STAT5B: variants seen among roughly 807,000 people sequenced by gnomAD.
The protein encoded by STAT5B is transcription factor STAT5B.
In STAT5B, 21 loss-of-function variants were observed where a neutral mutation model predicts 107.8. The observed-to-expected ratio is 0.19, with a 90% CI of 0.14 to 0.28. The LOEUF (loss-of-function observed/expected upper bound fraction) is 0.28, where lower values mean the gene tolerates loss of function less well. Ranked by LOEUF, STAT5B falls within the 10% of genes least tolerant of loss-of-function variation. The pLI, the probability that STAT5B is intolerant of heterozygous loss-of-function variation, is 1.00. For missense variants in STAT5B, 565 were observed against 1,008.2 expected, an observed-to-expected ratio of 0.56 and a Z score of 5.95; for synonymous variants, 325 against 401.7, an observed-to-expected ratio of 0.81 and a Z score of 2.28.
Position 42,217,450 on chromosome 17 carries a change from T to G in STAT5B, c.1184A>C (p.Glu395Ala). The G allele has an allele frequency of 6.2e-7, 1 of 1,614,216 alleles. No homozygotes were observed. Among genetic ancestry groups the G allele is most frequent in the Non-Finnish European group, 8.5e-7 (1 of 1,180,036 alleles). Residue 395 changes from glutamate to alanine, a missense_variant, in exon 10 of 19, where the codon GAG becomes GCG. By Grantham distance (107) the Glu-to-Ala change is moderately radical (BLOSUM62 -1). Coordinates refer to ENST00000293328, the MANE Select transcript of STAT5B (RefSeq NM_012448.4). Reference sequence around the variant, plus strand: ...CATGACGCAGCAGTTGTTCAAGATCTCGCCACTGTAATCACTGCAAATCAG... The same window carrying G: ...CATGACGCAGCAGTTGTTCAAGATCGCGCCACTGTAATCACTGCAAATCAG... ...NENTRNDYSG[E>A]ILNNCCVMEY...
rs775884800 is a variant in STAT5B, at chr17:42,216,116, C to A, written c.1381-10G>T. ...CTGGCAGGGACAGGGTCTAAAAAGA[C>A]ACAAGAGAAGGCTGAGCGCCCACGA... On this transcript the variant is annotated splice_polypyrimidine_tract_variant and intron_variant, in intron 11 of 18. Coordinates refer to ENST00000293328, the MANE Select transcript of STAT5B (RefSeq NM_012448.4). 5 of 1,611,386 alleles carry A rather than the reference C, an allele frequency of 3.1e-6. No homozygotes were observed. The African/African-American group carries it at 6.7e-5, about 22-fold the overall frequency.
Position 42,216,258 on chromosome 17 carries a change from A to G in STAT5B, c.1381-152T>C, listed in dbSNP as rs561983198. 8.6e-5 allele frequency: 59 copies of G among 687,492 alleles called. No homozygotes were observed. The South Asian group carries it at 9.1e-4, about 11-fold the overall frequency. 42.6% of individuals were successfully genotyped at this position (687,492 alleles called of 1,614,324 possible). A position where few individuals can be genotyped will look rare whatever the true frequency, so the allele number is the denominator to read the frequency against. On this transcript the variant is annotated intron_variant, in intron 11 of 18. Transcript: ENST00000293328. ...CAGAATCTAAATGGCCCCAGGAATAATATGACTTTTCATACTGGCACAATC... is the reference window on the plus strand; with the variant it reads ...CAGAATCTAAATGGCCCCAGGAATAGTATGACTTTTCATACTGGCACAATC...
intron 16 of STAT5B, among the ~76,000 whole-genome samples, chr17:42,206,958 T>A (rs976235254): frequency 6.7e-6 from 1 of 149,858 alleles, no homozygotes; most frequent in Non-Finnish European, 1.5e-5. Context: ...CTCACTGCAA[T>A]CTCCACCTCC....
At chr17:42,273,634 C>T (rs1192447413) in intron 1 of STAT5B, among the ~76,000 whole-genome samples, 2 of 152,122 alleles carry the variant, frequency 1.3e-5, no homozygotes, top group East Asian at 1.9e-4. Flanking sequence ...TTGTAGGGCA[C>T]GAAAATAGTT....
chr17:42,231,359 T>G (rs928997773), intron 2 of STAT5B, among the ~76,000 whole-genome samples: 2 of 152,124 alleles, frequency 1.3e-5, no homozygotes, highest in Non-Finnish European at 1.5e-5. Context: ...TTGTTTGTTT[T>G]GAGACAGGGT....
chr17:42,242,917 T>C (rs1413781833), intron 1 of STAT5B, among the ~76,000 whole-genome samples: 1 of 152,068 alleles, frequency 6.6e-6, no homozygotes, highest in East Asian at 1.9e-4. Flanking sequence ...AAACAGATGC[T>C]TGAAGGCAGC....
At position 42,226,954 on chromosome 17, in the gene STAT5B, G is replaced by A. The variant is rs1312657615; in HGVS notation, c.285+575C>T. ...ACTGTGGCCAACATGGCAAAACCCC[G>A]TCTCCACTAAAAATACCAAAAAAAA... On this transcript the variant is annotated intron_variant, in intron 3 of 18. Transcript: ENST00000293328. Among the ~76,000 whole-genome samples the A allele has an allele frequency of 2.0e-4, 30 of 146,720 alleles. 1 individual carries two copies. In the South Asian group the frequency reaches 3.9e-3, roughly 19 times the overall value.
chr17:42,247,353 T>G (rs2080460185), intron 1 of STAT5B, among the ~76,000 whole-genome samples: 1 of 152,236 alleles, frequency 6.6e-6, no homozygotes, highest in Non-Finnish European at 1.5e-5. Context: ...TTCTCTTAAT[T>G]TGCCATGAAT....
intron 2 of STAT5B, 61 bp downstream of exon 2, chr17:42,231,939 A>C: frequency 6.2e-7 from 1 of 1,608,840 alleles, no homozygotes; most frequent in Non-Finnish European, 8.5e-7. Flanking sequence ...ACATCTTTCT[A>C]AACAAACTCC....
At chr17:42,203,260 C>G (rs59738531) in intron 16 of STAT5B, among the ~76,000 whole-genome samples, 3 of 152,120 alleles carry the variant, frequency 2.0e-5, no homozygotes, top group Non-Finnish European at 4.4e-5. Context: ...ATATTTCAAT[C>G]TGTTAGGAAG....
the STAT5B span, chr17:42,287,607 A>C: frequency 4.9e-4 from 74 of 152,484 alleles, no homozygotes; most frequent in African/African-American, 1.8e-3. Flanking sequence ...GGAGGACTCA[A>C]GACGGTCCCT....
In STAT5B at chr17:42,230,521, A is replaced by G. The variant is rs112001605; in HGVS notation, c.128+1479T>C. The stretch of plus-strand genomic sequence containing the variant: ...TGCTGTTAGTCGACTGCACTGTACT[A>G]ATTCTAAAAGAAATTTAAAACAACT... On this transcript the variant is annotated intron_variant, in intron 2 of 18. Coordinates refer to ENST00000293328, the MANE Select transcript of STAT5B (RefSeq NM_012448.4). Among the ~76,000 whole-genome samples, 215 of 152,316 alleles carry G rather than the reference A, an allele frequency of 1.4e-3. 1 individual carries two copies. The highest frequency in any genetic ancestry group is 4.3e-3 in the African/African-American group (180 of 41,562).
intron 1 of STAT5B, among the ~76,000 whole-genome samples, chr17:42,273,158 A>G (rs2080734680): frequency 6.6e-6 from 1 of 152,220 alleles, no homozygotes; most frequent in East Asian, 1.9e-4. Flanking sequence ...TAGATTGTTA[A>G]GTTTGACTTT....
chr17:42,213,963 G>A (rs2080150795), intron 12 of STAT5B, among the ~76,000 whole-genome samples: 6 of 151,112 alleles, frequency 4.0e-5, no homozygotes, highest in Admixed American at 4.0e-4. Flanking sequence ...CCAACATGGT[G>A]AGACCTGGTC....
rs375788049 is a variant in STAT5B, at chr17:42,207,432, C to T, written c.2077+126G>A. 1.4e-3 allele frequency: 1,799 copies of T among 1,270,242 alleles called. 11 individuals are homozygous for T. Among genetic ancestry groups the T allele is most frequent in the Middle Eastern group, 0.011 (49 of 4,542 alleles). 78.7% of individuals were successfully genotyped at this position (1,270,242 alleles called of 1,614,324 possible). A position where few individuals can be genotyped will look rare whatever the true frequency, so the allele number is the denominator to read the frequency against. ...CCCTGGAAAATGCTCAAACTGCTCT[C>T]ACTGAATGGTAATTGTGTGGGTTTT... On this transcript the variant is annotated intron_variant, in intron 16 of 18. Coordinates refer to ENST00000293328, the MANE Select transcript of STAT5B (RefSeq NM_012448.4).
chr17:42,277,675 C>T (rs2144455508), upstream of STAT5B, among the ~76,000 whole-genome samples: 1 of 152,316 alleles, frequency 6.6e-6, no homozygotes, highest in Admixed American at 6.5e-5. Flanking sequence ...TGGCAATCTC[C>T]CTGACAGTTA....
chr17:42,220,495 T>G (rs2080215876), intron 5 of STAT5B, among the ~76,000 whole-genome samples: 1 of 152,098 alleles, frequency 6.6e-6, no homozygotes, highest in South Asian at 2.1e-4. Context: ...GGCGGCTCTG[T>G]CTAGTCCCTG....
intron 12 of STAT5B, 58 bp downstream of exon 12, chr17:42,215,956 T>G: frequency 1.7e-5 from 26 of 1,557,628 alleles, no homozygotes; most frequent in African/African-American, 2.7e-5. Context: ...AATACATAAA[T>G]GAGATTCATG....
At chr17:42,223,931 A>G (rs889980142) in intron 4 of STAT5B, among the ~76,000 whole-genome samples, 16 of 152,168 alleles carry the variant, frequency 1.1e-4, no homozygotes, top group South Asian at 4.1e-4. Flanking sequence ...CACTGACCCA[A>G]TGCAAGGACG....
Sources: gnomAD v4.1 joint callset for allele counts (sites outside exome capture counted in the v4.1 genomes callset) on GRCh38, gnomAD v4.1.1 for gene constraint, MANE v1.5 for transcripts, NCBI Gene and HGNC (gene_info 2026-07-23, HGNC 2026-07-21) for gene names.